Variants in GFRA1 observed in about 807,000 individuals in gnomAD.
GFRA1 encodes GDNF family receptor alpha-1.
Under a neutral mutation model 51.6 loss-of-function variants are expected in GFRA1, and 16 were observed. The observed-to-expected ratio is 0.31, with a 90% CI of 0.21 to 0.47. The LOEUF is 0.47. Ranked by LOEUF, GFRA1 falls within the 20% of genes least tolerant of loss-of-function variation. The probability of loss-of-function intolerance (pLI) is 1.00; values close to 1 mark genes in which losing one functional copy is unlikely to be tolerated. For synonymous variants in GFRA1, 270 were observed against 241.3 expected, an observed-to-expected ratio of 1.12 and a Z score of -1.10; for missense variants, 530 against 594.3, an observed-to-expected ratio of 0.89 and a Z score of 1.13.
chr10:116,242,781 A>G (rs945758628), intron 4 of GFRA1, among the ~76,000 whole-genome samples: 5 of 152,190 alleles, frequency 3.3e-5, no homozygotes, highest in Non-Finnish European at 7.3e-5. Flanking sequence ...GCACCTGGCC[A>G]AAAACAGAAT....
intron 5 of GFRA1, among the ~76,000 whole-genome samples, chr10:116,164,831 C>T (rs1046333179): frequency 7.2e-5 from 11 of 152,124 alleles, no homozygotes; most frequent in Non-Finnish European, 1.3e-4. Flanking sequence ...AGCCGGCCCT[C>T]GTTTTCTTAT....
chr10:116,259,671 G>C (rs1407578471), intron 4 of GFRA1, among the ~76,000 whole-genome samples: 1 of 152,272 alleles, frequency 6.6e-6, no homozygotes, highest in South Asian at 2.1e-4. Flanking sequence ...AGGGAGAAAA[G>C]GGAGTAGATA....
At chr10:116,076,469 A>C (rs1010004918) in intron 9 of GFRA1, among the ~76,000 whole-genome samples, 1 of 152,146 alleles carries the variant, frequency 6.6e-6, no homozygotes, top group African/African-American at 2.4e-5. Flanking sequence ...TTTCAGGGTG[A>C]TAGAAGAAAG....
rs1488735943 is a variant in GFRA1 at position 116,166,775 on chromosome 10, A to ATCT, written c.434-41221_434-41219dup. Among the ~76,000 whole-genome samples, 52 of 127,354 alleles carry ATCT rather than the reference A, an allele frequency of 4.1e-4. 2 individuals are homozygous for ATCT. The highest frequency in any genetic ancestry group is 1.4e-3 in the African/African-American group (47 of 32,722). 83.5% of individuals were successfully genotyped at this position (127,354 alleles called of 152,430 possible). A position where few individuals can be genotyped will look rare whatever the true frequency, so the allele number is the denominator to read the frequency against. ...TTTCCTCCCTTGAAGGATAGCAACA[A>ATCT]TCTTCTTTTTTTTTTTTTTTTTTTT... is the stretch of plus-strand genomic sequence containing the variant. On this transcript the variant is annotated intron_variant, in intron 5 of 10. Coordinates refer to ENST00000355422, the MANE Select transcript of GFRA1 (RefSeq NM_005264.8).
chr10:116,106,075 C>A (rs1041309104), intron 6 of GFRA1, among the ~76,000 whole-genome samples: 1 of 152,156 alleles, frequency 6.6e-6, no homozygotes, highest in Non-Finnish European at 1.5e-5. Flanking sequence ...GAGACTCCAC[C>A]TGGCCCTTGC....
chr10:116,167,226 T>G (rs1960552758), intron 5 of GFRA1, among the ~76,000 whole-genome samples: 1 of 152,164 alleles, frequency 6.6e-6, no homozygotes, highest in East Asian at 1.9e-4. Flanking sequence ...TGCCAACGGC[T>G]CCAAAAGTCT....
At chr10:116,241,705 G>A (rs1651133193) in intron 4 of GFRA1, among the ~76,000 whole-genome samples, 1 of 152,176 alleles carries the variant, frequency 6.6e-6, no homozygotes, top group African/African-American at 2.4e-5. Flanking sequence ...AGACACAGGT[G>A]GAGACTGACG....
chr10:116,075,243 A>T (rs561688680), intron 9 of GFRA1, among the ~76,000 whole-genome samples: 1 of 152,146 alleles, frequency 6.6e-6, no homozygotes, highest in Non-Finnish European at 1.5e-5. Context: ...AGGAGAAGAC[A>T]TCATAAATGA....
chr10:116,115,239 G>T (rs768924259), intron 6 of GFRA1, among the ~76,000 whole-genome samples: 2 of 152,152 alleles, frequency 1.3e-5, no homozygotes, highest in African/African-American at 4.8e-5. Flanking sequence ...CTCACTTGGG[G>T]TAATGCCTGG....
chr10:116,216,922 G>GC (rs1222636411), intron 4 of GFRA1, among the ~76,000 whole-genome samples: 2 of 152,166 alleles, frequency 1.3e-5, no homozygotes, highest in African/African-American at 4.8e-5. Flanking sequence ...CAGCTGAGCT[G>GC]CCCCCTCACC....
At chr10:116,169,530 G>C (rs1960825105) in intron 5 of GFRA1, among the ~76,000 whole-genome samples, 1 of 152,210 alleles carries the variant, frequency 6.6e-6, no homozygotes, top group African/African-American at 2.4e-5. Flanking sequence ...AGAGCGCTGT[G>C]GCAGAAAAGG....
At chr10:116,246,345 C>T (rs1468717079) in intron 4 of GFRA1, among the ~76,000 whole-genome samples, 2 of 152,068 alleles carry the variant, frequency 1.3e-5, no homozygotes, top group African/African-American at 2.4e-5. Flanking sequence ...GCAGGAGAAT[C>T]GCTTGAACCC....
chr10:116,216,998 T>C (rs1043406798), intron 4 of GFRA1, among the ~76,000 whole-genome samples: 3 of 152,200 alleles, frequency 2.0e-5, no homozygotes, highest in African/African-American at 7.2e-5. Context: ...GTCGGTACAT[T>C]TCTTCTGCAA....
chr10:116,194,974 A>G (rs1244836490), intron 5 of GFRA1, among the ~76,000 whole-genome samples: 1 of 152,242 alleles, frequency 6.6e-6, no homozygotes, highest in Non-Finnish European at 1.5e-5. Context: ...CGTGCAGGCC[A>G]TACAGTCTTT....
chr10:116,173,281 G>T (rs188476486), intron 5 of GFRA1, among the ~76,000 whole-genome samples: 1 of 152,284 alleles, frequency 6.6e-6, no homozygotes, highest in African/African-American at 2.4e-5. Context: ...TGGTGGCTGA[G>T]CTCATGCTGT....
chr10:116,093,045 C>A (rs1956418704), intron 8 of GFRA1, among the ~76,000 whole-genome samples: 2 of 152,298 alleles, frequency 1.3e-5, no homozygotes, highest in South Asian at 4.1e-4. Flanking sequence ...CTTAAGGACA[C>A]TGCAGTAAGA....
At chr10:116,080,426 A>C (rs1270869399) in intron 9 of GFRA1, among the ~76,000 whole-genome samples, 1 of 152,202 alleles carries the variant, frequency 6.6e-6, no homozygotes, top group African/African-American at 2.4e-5. Context: ...GGGTGCACCA[A>C]AAATCTCACA....
chr10:116,231,314 A>G (rs561739073), intron 4 of GFRA1, among the ~76,000 whole-genome samples: 82 of 152,286 alleles, frequency 5.4e-4, no homozygotes, highest in Admixed American at 1.1e-3. Flanking sequence ...GAATTCAGTT[A>G]TATGAATTTC....
chr10:116,226,157 T>C (rs1011185264), intron 4 of GFRA1, among the ~76,000 whole-genome samples: 4 of 152,228 alleles, frequency 2.6e-5, no homozygotes, highest in East Asian at 1.9e-4. Context: ...TCAGCAGTTA[T>C]AAAATGCCCT....
Sources: allele counts gnomAD v4.1 joint callset (sites outside exome capture counted in the v4.1 genomes callset), GRCh38; gene constraint gnomAD v4.1.1; transcripts MANE v1.5; gene names NCBI Gene and HGNC (gene_info 2026-07-23, HGNC 2026-07-21).